ST14: variants seen among roughly 807,000 people sequenced by gnomAD.
ST14 encodes ST14 transmembrane serine protease matriptase, also known as suppressor of tumorigenicity 14 protein.
A neutral mutation model predicts 96.5 loss-of-function variants in ST14; 40 were observed. The ratio of observed to expected loss-of-function variants is 0.41; its 90% CI spans 0.32 to 0.54. The LOEUF (loss-of-function observed/expected upper bound fraction) is 0.54. ST14 is among the 20% of genes least tolerant of loss of function. The probability of loss-of-function intolerance (pLI) is 0.17; values close to 1 mark genes in which losing one functional copy is unlikely to be tolerated. For synonymous variants in ST14, 506 were observed against 492.1 expected (o/e 1.03, Z -0.37); for missense variants, 1,066 against 1,188.9 (o/e 0.90, Z 1.52).
chr11:130,204,057 G>A (rs912387096), intron 16 of ST14, among the ~76,000 whole-genome samples: 6 of 152,108 alleles, frequency 3.9e-5, no homozygotes, highest in Non-Finnish European at 7.3e-5. Context: ...CTTCGTTTCC[G>A]GACTCCCAGC....
At chr11:130,192,868 G>A (rs761370719) in intron 7 of ST14, among the ~76,000 whole-genome samples, 6 of 152,176 alleles carry the variant, frequency 3.9e-5, no homozygotes, top group Non-Finnish European at 7.4e-5. Flanking sequence ...TTTAGAAGGA[G>A]GGGACACAAT....
rs146402316 is a variant in ST14, at chr11:130,171,362, C to A, written c.81+11302C>A. Reference sequence around the variant, plus strand: ...ATCTCTTATTGAAGGTATGGACCACCTTTTGTGTATCCATTCATTTGCTAA... The same window carrying A: ...ATCTCTTATTGAAGGTATGGACCACATTTTGTGTATCCATTCATTTGCTAA... On this transcript the variant is annotated intron_variant, in intron 1 of 18. Transcript: ENST00000278742. Among the ~76,000 whole-genome samples, 380 of 152,272 alleles carry A rather than the reference C, an allele frequency of 2.5e-3. 3 individuals carry two copies. Among genetic ancestry groups the A allele is most frequent in the African/African-American group, 8.8e-3 (365 of 41,546 alleles).
chr11:130,161,112 C>A (rs898229792), intron 1 of ST14, among the ~76,000 whole-genome samples: 19 of 152,190 alleles, frequency 1.2e-4, no homozygotes, highest in African/African-American at 4.6e-4. Context: ...CAAGCAGCAT[C>A]CCGACCTAGG....
Position 130,196,602 on chromosome 11 carries a change from C to T in ST14, c.1256C>T (p.Thr419Ile). 6.2e-7 allele frequency: 1 copy of T among 1,613,138 alleles called. No individual in the cohort carries two copies. Among genetic ancestry groups the T allele is most frequent in the East Asian group, 2.2e-5 (1 of 44,810 alleles). Reference sequence around the variant, plus strand: ...GGAGAGAGGTCCCAGTTCGTCGTCACCAGCAACAGCAACAAGATCACAGTT... The same window carrying T: ...GGAGAGAGGTCCCAGTTCGTCGTCATCAGCAACAGCAACAAGATCACAGTT... ...YCGERSQFVV[T>I]SNSNKITVRF... The change falls in exon 11 of 19, where the codon ACC (threonine) becomes ATC (isoleucine). Residue 419 changes from threonine to isoleucine, a missense_variant. Physicochemically the swap from Thr to Ile is moderately conservative, Grantham distance 89. Transcript: ENST00000278742.
intron 4 of ST14, among the ~76,000 whole-genome samples, 195 bp downstream of exon 4, chr11:130,189,134 T>A (rs1037870925): frequency 6.6e-6 from 1 of 152,218 alleles, no homozygotes; most frequent in Non-Finnish European, 1.5e-5. Context: ...AAGGTGCCTG[T>A]AGCTGTTGCT....
rs748693737 is a variant in ST14, at chr11:130,190,186, G to A, written c.634+38G>A. 111 of 1,613,978 alleles carry A rather than the reference G, an allele frequency of 6.9e-5. No individual in the cohort carries two copies. The East Asian group carries it at 2.4e-3, about 35-fold the overall frequency. ...CCCGCCTCCTCTTCTGGGTGGGGAA[G>A]AGGCGGGATGTGGCCAGATGCCCTT... On this transcript the variant is annotated intron_variant, in intron 6 of 18. Transcript: ENST00000278742.
chr11:130,175,369 T>C (rs1010796627), intron 1 of ST14, among the ~76,000 whole-genome samples: 1 of 151,904 alleles, frequency 6.6e-6, no homozygotes, highest in Admixed American at 6.6e-5. Context: ...CTCTCTCTCT[T>C]TCTCTCTCTC....
intron 16 of ST14, 60 bp from the exon 17 acceptor site, chr11:130,208,350 G>A: frequency 1.2e-6 from 2 of 1,611,280 alleles, no homozygotes; most frequent in Admixed American, 1.7e-5. Flanking sequence ...GCGCGGGGCC[G>A]CGAGGCCGTG....
chr11:130,170,587 G>C (rs1210441184), intron 1 of ST14, among the ~76,000 whole-genome samples: 1 of 152,034 alleles, frequency 6.6e-6, no homozygotes, highest in Non-Finnish European at 1.5e-5. Context: ...CTGTGTGCTG[G>C]AGGGCAGGCA....
Position 130,209,654 on chromosome 11 carries a change from C to T in ST14, c.2407-8C>T, listed in dbSNP as rs1362922623. 16 of 1,605,252 alleles carry T rather than the reference C, an allele frequency of 1.0e-5. No homozygotes were observed. The South Asian group carries it at 1.2e-4, about 12-fold the overall frequency. ...TGGGGACTCACGGCAGGGCTTGTCT[C>T]CGCCCAGGGTGATTCCGGGGGACCC... On this transcript the variant is annotated splice_region_variant and splice_polypyrimidine_tract_variant and intron_variant, in intron 18 of 18. Coordinates refer to ENST00000278742, the MANE Select transcript of ST14 (RefSeq NM_021978.4).
intron 16 of ST14, among the ~76,000 whole-genome samples, chr11:130,201,296 G>A (rs571370931): frequency 6.6e-6 from 1 of 152,388 alleles, no homozygotes. Flanking sequence ...AGGCACAGGG[G>A]CATGGGCCTT....
intron 7 of ST14, among the ~76,000 whole-genome samples, chr11:130,193,097 A>G (rs1953321121): frequency 7.7e-6 from 1 of 130,330 alleles, no homozygotes; most frequent in African/African-American, 2.6e-5. Flanking sequence ...GAACCATGCC[A>G]GGCATGTTTT....
intron 1 of ST14, among the ~76,000 whole-genome samples, chr11:130,169,862 G>C (rs1043467047): frequency 2.0e-5 from 3 of 152,314 alleles, no homozygotes; most frequent in African/African-American, 7.2e-5. Flanking sequence ...ACTAGGTGCT[G>C]GCTGCACCTC....
intron 11 of ST14, among the ~76,000 whole-genome samples, chr11:130,197,051 G>A (rs866179002): frequency 4.6e-5 from 7 of 152,190 alleles, no homozygotes; most frequent in Admixed American, 1.3e-4. Flanking sequence ...TGTTAGCACC[G>A]TTAGGATTCA....
At chr11:130,180,710 C>A (rs190666800) in intron 1 of ST14, among the ~76,000 whole-genome samples, 1 of 152,306 alleles carries the variant, frequency 6.6e-6, no homozygotes, top group East Asian at 1.9e-4. Flanking sequence ...TTTGTTGGCT[C>A]AGCATTTAGC....
Position 130,170,331 on chromosome 11 carries a change from G to T in ST14, c.81+10271G>T, listed in dbSNP as rs1953079712. 2.0e-5 allele frequency among the ~76,000 whole-genome samples: 3 copies of T among 152,224 alleles called. No homozygotes were observed. In the South Asian group the frequency reaches 6.2e-4, roughly 32 times the overall value. ...GCCCTGGGGAGGCTGCCTAAGTCTG[G>T]CTATGGGGAGAGAAGACCTTCCATC... On this transcript the variant is annotated intron_variant, in intron 1 of 18. Transcript: ENST00000278742.
intron 16 of ST14, among the ~76,000 whole-genome samples, chr11:130,205,648 G>A (rs908107164): frequency 2.7e-5 from 4 of 150,582 alleles, no homozygotes; most frequent in Non-Finnish European, 2.9e-5. Context: ...GCGAGCTGAC[G>A]TACGCGTCAT....
intron 7 of ST14, 89 bp downstream of exon 7, chr11:130,190,783 A>G: frequency 2.8e-6 from 4 of 1,451,274 alleles, no homozygotes; most frequent in South Asian, 1.4e-5. Flanking sequence ...GATACAGTTT[A>G]TGACTCTTGG....
chr11:130,166,247 C>T (rs1047136274), intron 1 of ST14, among the ~76,000 whole-genome samples: 5 of 152,192 alleles, frequency 3.3e-5, no homozygotes, highest in Non-Finnish European at 5.9e-5. Flanking sequence ...ACTTTTCACG[C>T]CTCTTTCCCC....
Sources: allele counts gnomAD v4.1 joint callset (sites outside exome capture counted in the v4.1 genomes callset), GRCh38; gene constraint gnomAD v4.1.1; transcripts MANE v1.5; gene names NCBI Gene and HGNC (gene_info 2026-07-23, HGNC 2026-07-21).